Variants in COL23A1 observed in about 807,000 individuals in gnomAD.
The protein encoded by COL23A1 is collagen type XXIII alpha 1 chain, also known as collagen alpha-1(XXIII) chain.
Under a neutral mutation model 99.3 loss-of-function variants are expected in COL23A1, and 97 were observed. That is an observed-to-expected ratio of 0.98 (90% CI 0.83 to 1.16). The LOEUF (loss-of-function observed/expected upper bound fraction) is 1.16, where lower values mean the gene tolerates loss of function less well. Among genes scored for constraint, COL23A1 ranks in the 50% most tolerant of loss-of-function variants. COL23A1 has a pLI of 0.00. For missense variants in COL23A1, 762 were observed against 757.4 expected (o/e 1.01, Z -0.07); for synonymous variants, 320 against 308.2 (o/e 1.04, Z -0.40).
intron 2 of COL23A1, chr5:178,344,850 G>A: frequency 1.3e-6 from 1 of 748,758 alleles, no homozygotes; most frequent in South Asian, 1.3e-5. Flanking sequence ...AAGATGGCGG[G>A]GCGATCTGTG....
In COL23A1 at chr5:178,439,876, G is replaced by A. The variant is rs1766764565; in HGVS notation, c.361+120806C>T. 6.6e-6 allele frequency: 1 copy of A among 152,206 alleles called. No homozygotes were observed. The highest frequency in any genetic ancestry group is 2.4e-5 in the African/African-American group (1 of 41,452). 9.4% of individuals were successfully genotyped at this position (152,206 alleles called of 1,614,324 possible). A position where few individuals can be genotyped will look rare whatever the true frequency, so the allele number is the denominator to read the frequency against. ...TACCACTACATGCTACAACATGGAT[G>A]AGCCCCAGAAATGCGACGCTGAGTG... On this transcript the variant is annotated intron_variant, in intron 2 of 28. Transcript: ENST00000390654. This position sits in a 1 kb window ranked among gnomAD's most constrained non-coding sequence, Gnocchi z 4.2.
At chr5:178,580,582 A>G (rs1450715122) in intron 1 of COL23A1, among the ~76,000 whole-genome samples, 1 of 152,206 alleles carries the variant, frequency 6.6e-6, no homozygotes, top group African/African-American at 2.4e-5. Context: ...GATTCAACAC[A>G]TGATGAAAAC....
At chr5:178,360,562 C>G (rs1171747149) in intron 2 of COL23A1, among the ~76,000 whole-genome samples, 2 of 152,358 alleles carry the variant, frequency 1.3e-5, no homozygotes, top group East Asian at 3.9e-4. Context: ...GTTCAAATCC[C>G]TCACTAGACT....
intron 2 of COL23A1, among the ~76,000 whole-genome samples, chr5:178,316,475 T>C (rs1369645118): frequency 1.3e-5 from 2 of 152,216 alleles, no homozygotes; most frequent in Non-Finnish European, 2.9e-5. Context: ...AAATTCAGTG[T>C]GGAGCTTTGG....
intron 8 of COL23A1, among the ~76,000 whole-genome samples, chr5:178,264,031 A>G (rs181028577): frequency 2.0e-5 from 3 of 152,274 alleles, no homozygotes; most frequent in Non-Finnish European, 4.4e-5. Flanking sequence ...GAGAGCCCAT[A>G]ATGGTTGCCA....
intron 2 of COL23A1, among the ~76,000 whole-genome samples, chr5:178,488,908 C>T (rs1185233755): frequency 1.3e-5 from 2 of 152,192 alleles, no homozygotes; most frequent in Non-Finnish European, 2.9e-5. Flanking sequence ...CAGGAGCAGT[C>T]GCTGAGCAGC....
intron 2 of COL23A1, among the ~76,000 whole-genome samples, chr5:178,362,662 T>A (rs1581232500): frequency 6.6e-6 from 1 of 152,116 alleles, no homozygotes; most frequent in East Asian, 1.9e-4. Context: ...CCCAGGAGTC[T>A]CCGCCATGGG....
rs111714222 is a variant in COL23A1, at chr5:178,491,121, C to T, written c.361+69561G>A. Among the ~76,000 whole-genome samples the T allele has an allele frequency of 3.8e-3, 564 of 147,694 alleles. 5 individuals are homozygous for T. Among genetic ancestry groups the T allele is most frequent in the East Asian group, 0.019 (93 of 5,012 alleles). Reference sequence around the variant, plus strand: ...GGAGGGGGGAAAGAGAGAGGAGACACGGAGGAGAGGAGACAAAGAGATAGG... The same window carrying T: ...GGAGGGGGGAAAGAGAGAGGAGACATGGAGGAGAGGAGACAAAGAGATAGG... On this transcript the variant is annotated intron_variant, in intron 2 of 28. Coordinates refer to ENST00000390654, the MANE Select transcript of COL23A1 (RefSeq NM_173465.4).
rs113407088 is a variant in COL23A1, at chr5:178,348,117, C to T, written c.362-41198G>A. ...TCCTGATGGCCTGTGACCTCACCCCCGCCCCTGTTCCCATCCAGCTCCAGC... is the reference window on the plus strand; with the variant it reads ...TCCTGATGGCCTGTGACCTCACCCCTGCCCCTGTTCCCATCCAGCTCCAGC... On this transcript the variant is annotated intron_variant, in intron 2 of 28. Transcript: ENST00000390654. Among the ~76,000 whole-genome samples the T allele has an allele frequency of 4.8e-3, 723 of 152,034 alleles. 6 individuals are homozygous for T. Among genetic ancestry groups the T allele is most frequent in the African/African-American group, 0.017 (689 of 41,484 alleles).
chr5:178,273,266 G>A (rs1291297850), intron 5 of COL23A1, among the ~76,000 whole-genome samples: 2 of 152,144 alleles, frequency 1.3e-5, no homozygotes, highest in Non-Finnish European at 2.9e-5. Context: ...GCTGTTTCTG[G>A]AAGTGTCCAC....
chr5:178,480,738 C>G (rs1238015384), intron 2 of COL23A1, among the ~76,000 whole-genome samples: 1 of 152,166 alleles, frequency 6.6e-6, no homozygotes, highest in East Asian at 1.9e-4. Context: ...AATACCTACT[C>G]TAGGTATCTA....
At chr5:178,346,704 G>A (rs112448624) in intron 2 of COL23A1, among the ~76,000 whole-genome samples, 45 of 152,234 alleles carry the variant, frequency 3.0e-4, no homozygotes, top group African/African-American at 1.1e-3. Context: ...TCACACAAGG[G>A]CCCTTTTCAT....
chr5:178,319,158 G>C (rs1759145303), intron 2 of COL23A1, among the ~76,000 whole-genome samples: 2 of 152,130 alleles, frequency 1.3e-5, no homozygotes, highest in Non-Finnish European at 2.9e-5. Context: ...TGTGGCTTTG[G>C]GCTTGGTCAG....
intron 2 of COL23A1, among the ~76,000 whole-genome samples, chr5:178,344,631 A>G (rs1481648849): frequency 6.6e-6 from 1 of 150,796 alleles, no homozygotes; most frequent in Non-Finnish European, 1.5e-5. Context: ...CGACAGAGCG[A>G]GATTCTGTCT....
At chr5:178,569,049 T>C (rs1170210775) in intron 1 of COL23A1, among the ~76,000 whole-genome samples, 1 of 152,230 alleles carries the variant, frequency 6.6e-6, no homozygotes, top group East Asian at 1.9e-4. Context: ...ACCAGCAACG[T>C]ATGACAGTTC....
In COL23A1 at chr5:178,320,129, T is replaced by G. The variant is rs192870564; in HGVS notation, c.362-13210A>C. Among the ~76,000 whole-genome samples, 65 of 152,372 alleles carry G rather than the reference T, an allele frequency of 4.3e-4. 1 individual carries two copies. In the East Asian group the frequency reaches 0.011, roughly 27 times the overall value. On this transcript the variant is annotated intron_variant, in intron 2 of 28. Coordinates refer to ENST00000390654, the MANE Select transcript of COL23A1 (RefSeq NM_173465.4). ...GTTGTCACATTTTCCTCTTTTATCT[T>G]CTTCCAGACACTTATTTCTATGAAA...
chr5:178,571,753 G>T (rs1763106677), intron 1 of COL23A1, among the ~76,000 whole-genome samples: 1 of 152,138 alleles, frequency 6.6e-6, no homozygotes, highest in Non-Finnish European at 1.5e-5. Context: ...AGAAAGCTCA[G>T]CAGAGACAAC....
At chr5:178,472,403 G>C (rs1197553181) in intron 2 of COL23A1, among the ~76,000 whole-genome samples, 2 of 152,202 alleles carry the variant, frequency 1.3e-5, no homozygotes, top group African/African-American at 2.4e-5. Context: ...AGGAGCAAGT[G>C]AGGTGCCAGC....
chr5:178,243,598 A>G (rs564440006), intron 25 of COL23A1, among the ~76,000 whole-genome samples: 1 of 152,228 alleles, frequency 6.6e-6, no homozygotes, highest in African/African-American at 2.4e-5. Context: ...GTCAATGCTC[A>G]GTGACAGAGG....
Sources: allele counts gnomAD v4.1 joint callset (sites outside exome capture counted in the v4.1 genomes callset), GRCh38; gene constraint gnomAD v4.1.1; non-coding constraint Gnocchi (gnomAD v3.1); transcripts MANE v1.5; gene names NCBI Gene and HGNC (gene_info 2026-07-23, HGNC 2026-07-21).